NEO1: variants seen among roughly 807,000 people sequenced by gnomAD.
NEO1 encodes neogenin.
Under a neutral mutation model 159.7 loss-of-function variants are expected in NEO1, and 63 were observed. The observed-to-expected ratio is 0.39, with a 90% CI of 0.32 to 0.49. The LOEUF is 0.49. Ranked by LOEUF, NEO1 falls within the 20% of genes least tolerant of loss-of-function variation. The pLI is 0.85. For synonymous variants in NEO1, 633 were observed against 662.0 expected, an observed-to-expected ratio of 0.96 and a Z score of 0.67; for missense variants, 1,615 against 1,831.0, an observed-to-expected ratio of 0.88 and a Z score of 2.15.
At chr15:73,083,880 G>A (rs2069207415) in intron 1 of NEO1, among the ~76,000 whole-genome samples, 1 of 152,066 alleles carries the variant, frequency 6.6e-6, no homozygotes, top group African/African-American at 2.4e-5. Context: ...GTATTCAGGT[G>A]TCTGCCTCAA....
intron 1 of NEO1, among the ~76,000 whole-genome samples, chr15:73,107,403 A>T (rs1163116440): frequency 6.6e-6 from 1 of 152,192 alleles, no homozygotes; most frequent in Non-Finnish European, 1.5e-5. Flanking sequence ...ATTAGGTCAT[A>T]ATAACTGCAG....
intron 1 of NEO1, among the ~76,000 whole-genome samples, chr15:73,096,183 A>G (rs923119985): frequency 2.0e-5 from 3 of 152,324 alleles, no homozygotes; most frequent in East Asian, 1.9e-4. Context: ...TTCATGTCCT[A>G]ATTAACAGCA....
chr15:73,266,587 C>T (rs1374261260), intron 16 of NEO1, among the ~76,000 whole-genome samples, 176 bp downstream of exon 16: 1 of 147,164 alleles, frequency 6.8e-6, no homozygotes, highest in East Asian at 2.0e-4. Flanking sequence ...ATTTGTTTTG[C>T]TTTTTTTTTT....
intron 9 of NEO1, among the ~76,000 whole-genome samples, chr15:73,247,860 A>G (rs2039876872): frequency 6.6e-6 from 1 of 152,182 alleles, no homozygotes. Context: ...TAGGTGTGTG[A>G]GCCATTGTAG....
intron 4 of NEO1, 53 bp downstream of exon 4, chr15:73,126,623 A>G (rs2030289984): frequency 1.7e-5 from 26 of 1,556,148 alleles, no homozygotes; most frequent in East Asian, 9.0e-5. Flanking sequence ...AGACTTTGTC[A>G]TATCCCATTT....
intron 9 of NEO1, among the ~76,000 whole-genome samples, chr15:73,244,977 A>AAAAAC (rs2039700373): frequency 1.1e-4 from 12 of 111,960 alleles, no homozygotes; most frequent in Admixed American, 2.0e-4. Flanking sequence ...AAAAAAAAAA[A>AAAAAC]AAAAAACAAC....
intron 4 of NEO1, among the ~76,000 whole-genome samples, chr15:73,134,332 C>T (rs1257208565): frequency 6.6e-6 from 1 of 152,078 alleles, no homozygotes; most frequent in African/African-American, 2.4e-5. Context: ...CTTGCAGGGT[C>T]GTATTTCTTG....
intron 4 of NEO1, among the ~76,000 whole-genome samples, chr15:73,132,683 CAGTG>C (rs2031283557): frequency 6.6e-6 from 1 of 152,062 alleles, no homozygotes; most frequent in East Asian, 1.9e-4. Context: ...TCAAACAAAT[CAGTG>C]AGAAAAACAA....
chr15:73,174,719 T>C (rs1236408046), intron 5 of NEO1, among the ~76,000 whole-genome samples: 1 of 152,202 alleles, frequency 6.6e-6, no homozygotes, highest in Admixed American at 6.5e-5. Context: ...ACTCTCATTA[T>C]ACCAAAAGCT....
intron 5 of NEO1, among the ~76,000 whole-genome samples, chr15:73,161,387 G>A (rs372266746): frequency 6.6e-6 from 1 of 151,972 alleles, no homozygotes; most frequent in Non-Finnish European, 1.5e-5. Context: ...CACTTCAATC[G>A]TATGAGAATT....
intron 22 of NEO1, 105 bp downstream of exon 22, chr15:73,278,304 A>G (rs2041512082): frequency 3.2e-6 from 3 of 931,542 alleles, no homozygotes; most frequent in East Asian, 4.9e-5. Flanking sequence ...GTTGTAGCAT[A>G]TTAGCCTGTT....
chr15:73,218,927 T>G (rs1393306834), intron 7 of NEO1, among the ~76,000 whole-genome samples: 1 of 152,200 alleles, frequency 6.6e-6, no homozygotes, highest in East Asian at 1.9e-4. Flanking sequence ...TCTCCTTCAG[T>G]TCTGCTCTGA....
intron 23 of NEO1, 75 bp downstream of exon 23, chr15:73,283,186 G>A (rs556577494): frequency 6.8e-7 from 1 of 1,481,184 alleles, no homozygotes; most frequent in East Asian, 2.3e-5. Flanking sequence ...TGTATATGGA[G>A]TGGTACACAA....
At chr15:73,154,817 G>A (rs1377530835) in intron 5 of NEO1, among the ~76,000 whole-genome samples, 1 of 152,118 alleles carries the variant, frequency 6.6e-6, no homozygotes, top group Non-Finnish European at 1.5e-5. Flanking sequence ...TATCTTTTAA[G>A]TGGAGCTCTT....
In NEO1 at chr15:73,176,520, G is replaced by C; in HGVS notation, c.1133G>C (p.Gly378Ala). Residue 378 changes from glycine (G) to alanine (A), a missense_variant, in exon 6 of 29, where the codon GGG becomes GCG. By Grantham distance (60) the Gly-to-Ala change is moderately conservative. Around this residue, in one of 3 missense-constraint regions of NEO1, gnomAD observed 1,018 missense variants for 1,115.4 expected, o/e 0.91. Transcript: ENST00000261908. The stretch of plus-strand genomic sequence containing the variant: ...CCAACTGTGAAGTGGGTCAAAAATG[G>C]GGATATGGTTATCCCAAGTGATTAT... ...PTPTVKWVKN[G>A]DMVIPSDYFK... 1 of 1,611,150 alleles carries C rather than the reference G, an allele frequency of 6.2e-7. No individual in the cohort carries two copies. The highest frequency in any genetic ancestry group is 1.3e-5 in the African/African-American group (1 of 74,904).
chr15:73,097,431 G>A lies in NEO1; in HGVS notation c.131-19109G>A, dbSNP rs2070118058. Among the ~76,000 whole-genome samples, 3 of 140,964 alleles carry A rather than the reference G, an allele frequency of 2.1e-5. No individual in the cohort carries two copies. The South Asian group carries it at 7.0e-4, about 33-fold the overall frequency. 92.5% of individuals were successfully genotyped at this position (140,964 alleles called of 152,430 possible). ...GCTGGAGTGCAGTGGTGCAGTCTTG[G>A]CTCACTGCAACCTCTGCCTCCCAGG... is the stretch of plus-strand genomic sequence containing the variant. On this transcript the variant is annotated intron_variant, in intron 1 of 28. Coordinates refer to ENST00000261908, the MANE Select transcript of NEO1 (RefSeq NM_002499.4).
chr15:73,254,994 G>T (rs375195292), intron 13 of NEO1, among the ~76,000 whole-genome samples, 165 bp downstream of exon 13: 7 of 152,170 alleles, frequency 4.6e-5, no homozygotes, highest in African/African-American at 1.7e-4. Context: ...AGAGATTAAT[G>T]GAAAACACTC....
At chr15:73,220,569 C>T (rs916264862) in intron 7 of NEO1, among the ~76,000 whole-genome samples, 3 of 152,214 alleles carry the variant, frequency 2.0e-5, no homozygotes, top group Non-Finnish European at 2.9e-5. Flanking sequence ...GTACACCAAT[C>T]AGACGTAGAT....
At chr15:73,099,949 T>C (rs1226434457) in intron 1 of NEO1, among the ~76,000 whole-genome samples, 1 of 152,226 alleles carries the variant, frequency 6.6e-6, no homozygotes, top group Admixed American at 6.5e-5. Flanking sequence ...CTTTTCTTGT[T>C]CACTATCATT....
Sources: allele counts gnomAD v4.1 joint callset (sites outside exome capture counted in the v4.1 genomes callset), GRCh38; gene constraint gnomAD v4.1.1; regional missense constraint gnomAD v4.1.1; transcripts MANE v1.5; gene names NCBI Gene and HGNC (gene_info 2026-07-23, HGNC 2026-07-21).